GON4L: variants seen among roughly 807,000 people sequenced by gnomAD.
GON4L encodes the protein GON-4-like protein.
A neutral mutation model predicts 211.8 loss-of-function variants in GON4L; 87 were observed. The observed-to-expected ratio is 0.41, with a 90% CI of 0.35 to 0.49. The LOEUF (loss-of-function observed/expected upper bound fraction) is 0.49, where lower values mean the gene tolerates loss of function less well. Ranked by LOEUF, GON4L falls within the 20% of genes least tolerant of loss-of-function variation. The pLI, the probability that GON4L is intolerant of heterozygous loss-of-function variation, is 0.15. For synonymous variants in GON4L, 875 were observed against 962.6 expected (o/e 0.91, Z 1.68); for missense variants, 2,155 against 2,659.5 (o/e 0.81, Z 4.17).
At chr1:155,799,537 C>CT (rs1308803888) in intron 11 of GON4L, among the ~76,000 whole-genome samples, 1 of 152,196 alleles carries the variant, frequency 6.6e-6, no homozygotes, top group Non-Finnish European at 1.5e-5. Flanking sequence ...ATCATGCACT[C>CT]TTACCTTTCC....
intron 10 of GON4L, 138 bp downstream of exon 10, chr1:155,813,496 C>T (rs1279132676): frequency 2.8e-6 from 2 of 724,084 alleles, no homozygotes; most frequent in Non-Finnish European, 4.8e-6. Context: ...GAAAATAGCA[C>T]TAGCCAAATA....
chr1:155,826,633 G>T (rs2102299925), intron 3 of GON4L, among the ~76,000 whole-genome samples: 2 of 152,076 alleles, frequency 1.3e-5, no homozygotes, highest in South Asian at 4.2e-4. Context: ...TTAACCTATG[G>T]GTAGAGGGTA....
In GON4L at chr1:155,827,043, A is replaced by G; in HGVS notation, c.506-15T>C. 6.3e-7 allele frequency: 1 copy of G among 1,581,566 alleles called. No individual in the cohort carries two copies. Among genetic ancestry groups the G allele is most frequent in the East Asian group, 2.2e-5 (1 of 44,730 alleles). On this transcript the variant is annotated splice_polypyrimidine_tract_variant and intron_variant, in intron 2 of 31. Coordinates refer to ENST00000368331, the MANE Select transcript of GON4L (RefSeq NM_001282860.2). ...TTGAGGTTTCCCTGGAAGAATCACA[A>G]ATATTGCTCCACACTTTGACCATTC...
chr1:155,857,309 C>T (rs1471277282), upstream of GON4L: 1 of 152,390 alleles, frequency 6.6e-6, no homozygotes, highest in Non-Finnish European at 1.5e-5. Flanking sequence ...CATTTTAGGG[C>T]AGAGTGAAGC....
chr1:155,785,083 G>C, intron 13 of GON4L: 1 of 532,992 alleles, frequency 1.9e-6, no homozygotes, highest in Non-Finnish European at 3.5e-6. Flanking sequence ...TTGGGTGATG[G>C]AGCAAGAACC....
At chr1:155,775,213 A>G (rs1459625132) in intron 16 of GON4L, 40 bp from the exon 17 acceptor site, 2 of 1,613,722 alleles carry the variant, frequency 1.2e-6, no homozygotes, top group African/African-American at 2.7e-5. Context: ...AGACAATTCC[A>G]GACAATTAAT....
intron 17 of GON4L, among the ~76,000 whole-genome samples, chr1:155,774,655 T>C (rs1346036418): frequency 6.6e-6 from 1 of 152,130 alleles, no homozygotes; most frequent in African/African-American, 2.4e-5. Flanking sequence ...GACCAAACTT[T>C]ACCACCTGAC....
In GON4L at chr1:155,845,451, T is replaced by A. The variant is rs1332786360; in HGVS notation, c.505+7825A>T. 7 of 342,352 alleles carry A rather than the reference T, an allele frequency of 2.0e-5. No individual in the cohort carries two copies. In the East Asian group the frequency reaches 6.4e-4, roughly 31 times the overall value. The allele number at this position is 342,352 out of a possible 1,614,324, so 21.2% of individuals were successfully genotyped here. ...AATGTGGTGGATCATTTCAACAGAA[T>A]CAGCAAGGTTGGAAACCAGAAATGC... On this transcript the variant is annotated intron_variant, in intron 2 of 31. Transcript: ENST00000368331.
At chr1:155,778,913 G>A (rs992693192) in intron 14 of GON4L, among the ~76,000 whole-genome samples, 1 of 151,894 alleles carries the variant, frequency 6.6e-6, no homozygotes, top group African/African-American at 2.4e-5. Flanking sequence ...TTCCCTGGTG[G>A]GATACTACAT....
At chr1:155,803,123 ATAC>A (rs1289369843) in intron 11 of GON4L, among the ~76,000 whole-genome samples, 1 of 152,236 alleles carries the variant, frequency 6.6e-6, no homozygotes, top group Non-Finnish European at 1.5e-5. Context: ...GCCAAATGAT[ATAC>A]TATATAACTA....
intron 2 of GON4L, among the ~76,000 whole-genome samples, chr1:155,838,175 A>T (rs957846484): frequency 6.6e-6 from 1 of 152,096 alleles, no homozygotes; most frequent in African/African-American, 2.4e-5. Flanking sequence ...GTGGAAGATC[A>T]CTTGACCCCA....
chr1:155,846,244 C>A, intron 2 of GON4L: 1 of 211,532 alleles, frequency 4.7e-6, no homozygotes, highest in Admixed American at 4.5e-5. Context: ...AGAAACCGGC[C>A]AGGCGCGGTG....
rs970113808 is a variant in GON4L, at chr1:155,789,622, G to A, written c.1748-4248C>T. 4.0e-5 allele frequency among the ~76,000 whole-genome samples: 6 copies of A among 150,592 alleles called. No individual in the cohort carries two copies. In the South Asian group the frequency reaches 1.0e-3, roughly 26 times the overall value. On this transcript the variant is annotated intron_variant, in intron 12 of 31. Coordinates refer to ENST00000368331, the MANE Select transcript of GON4L (RefSeq NM_001282860.2). ...CCTTGTCTGAATTTAAAAAAAAAAA[G>A]AAAAAAAAGTGAAGTATAATTTACT... is the stretch of plus-strand genomic sequence containing the variant.
rs1171814536 is a variant in GON4L at position 155,775,003 on chromosome 1, A to T, written c.2349T>A (p.Thr783=). ...AAAGCTGACACATCTGTCTCCTACC[A>T]GTCTTCTTGACAGTTTTATGAGGGC... ...DCSPHKTVKK[T]ANEFPCLPKQ... Residue 783 remains threonine, a splice_region_variant and synonymous_variant, in exon 17 of 32, where the codon ACT becomes ACA. Coordinates refer to ENST00000368331, the MANE Select transcript of GON4L (RefSeq NM_001282860.2). The T allele has an allele frequency of 6.2e-7, 1 of 1,609,244 alleles. No homozygotes were observed. Among genetic ancestry groups the T allele is most frequent in the African/African-American group, 1.3e-5 (1 of 74,988 alleles).
chr1:155,794,128 T>C (rs866173869), intron 12 of GON4L, among the ~76,000 whole-genome samples: 37 of 152,020 alleles, frequency 2.4e-4, no homozygotes, highest in South Asian at 6.3e-4. Context: ...CTGGAGTGCA[T>C]TGGCGTGATC....
Position 155,757,210 on chromosome 1 carries a change from C to G in GON4L, c.5367G>C (p.Glu1789Asp). 5.0e-6 allele frequency: 8 copies of G among 1,613,972 alleles called. No homozygotes were observed. Among genetic ancestry groups the G allele is most frequent in the Non-Finnish European group, 6.8e-6 (8 of 1,179,898 alleles). ...PAASRMGDFE[E>D]INWTEEKEYE... The stretch of plus-strand genomic sequence containing the variant: ...ACTCCTTTTCCTCAGTCCAATTGAT[C>G]TCTTCAAAGTCACCCATCCGGCTAG... The change falls in exon 26 of 32, where the codon GAG becomes GAC. Residue 1789 changes from glutamate to aspartate, a missense_variant. By Grantham distance (45) the Glu-to-Asp change is conservative (BLOSUM62 2). Transcript: ENST00000368331.
chr1:155,833,047 CTAA>C (rs1036183210), intron 2 of GON4L: 1 of 150,276 alleles, frequency 6.7e-6, no homozygotes, highest in African/African-American at 2.4e-5. Context: ...GTATATACAA[CTAA>C]TTAAAGTGCA....
At chr1:155,771,543 G>A (rs1663192275) in intron 18 of GON4L, among the ~76,000 whole-genome samples, 1 of 152,086 alleles carries the variant, frequency 6.6e-6, no homozygotes, top group Admixed American at 6.6e-5. Flanking sequence ...CATGATTACA[G>A]CGCACTGCAG....
chr1:155,789,475 C>CA (rs1292925505), intron 12 of GON4L, among the ~76,000 whole-genome samples: 10 of 150,118 alleles, frequency 6.7e-5, no homozygotes, highest in East Asian at 3.9e-4. Context: ...ACTAAAAATA[C>CA]AAAAAAAAAG....
Sources: gnomAD v4.1 joint callset for allele counts (sites outside exome capture counted in the v4.1 genomes callset) on GRCh38, gnomAD v4.1.1 for gene constraint, MANE v1.5 for transcripts, NCBI Gene and HGNC (gene_info 2026-07-23, HGNC 2026-07-21) for gene names.